The following UQCR10 variants were observed in gnomAD, a reference collection of about 807,000 sequenced individuals.
The protein encoded by UQCR10 is cytochrome b-c1 complex subunit 9.
A neutral mutation model predicts 6.0 loss-of-function variants in UQCR10; 5 were observed. The observed-to-expected ratio is 0.83, with a 90% CI of 0.43 to 1.74. The LOEUF (loss-of-function observed/expected upper bound fraction) is 1.74. UQCR10 is among the 40% of genes most tolerant of loss of function. The pLI is 0.02. For missense variants in UQCR10, 101 were observed against 85.1 expected (o/e 1.19, Z -0.74); for synonymous variants, 40 against 37.4 (o/e 1.07, Z -0.26).
Position 29,767,377 on chromosome 22 carries a change from G to A in UQCR10, c.-22G>A. 2.8e-6 allele frequency: 4 copies of A among 1,422,410 alleles called. No individual in the cohort carries two copies. Among genetic ancestry groups the A allele is most frequent in the Non-Finnish European group, 2.9e-6 (3 of 1,018,940 alleles). The allele number at this position is 1,422,410 out of a possible 1,614,324, so 88.1% of individuals were successfully genotyped here. On this transcript the variant is annotated 5_prime_UTR_variant, in exon 1 of 2. Transcript: ENST00000330029. ...TCGGCCCCAGCGCAGGCGCGGTGGC[G>A]CGAGTTGGACTGTGAAGAAACATGG...
At chr22:29,767,688 C>G in intron 1 of UQCR10, 140 bp downstream of exon 1, 2 of 1,285,670 alleles carry the variant, frequency 1.6e-6, no homozygotes, top group South Asian at 1.6e-5. Context: ...AGTCCGCCGT[C>G]TGTCCCCTTG....
At position 29,768,306 on chromosome 22, in the gene UQCR10, C is replaced by G. The variant is rs569761080; in HGVS notation, c.150+758C>G. 2.0e-5 allele frequency among the ~76,000 whole-genome samples: 3 copies of G among 152,282 alleles called. No homozygotes were observed. The South Asian group carries it at 6.2e-4, about 32-fold the overall frequency. On this transcript the variant is annotated intron_variant, in intron 1 of 1. Coordinates refer to ENST00000330029, the MANE Select transcript of UQCR10 (RefSeq NM_013387.4). ...GGTAGGAATCGCAACACATTTTTGA[C>G]TTTTATGTATCATGCACTGTGCTAG...
rs558714432 is a variant in UQCR10, at chr22:29,767,506, C to T, written c.108C>T (p.Phe36=). The T allele has an allele frequency of 3.1e-6, 5 of 1,613,954 alleles. No individual in the cohort carries two copies. The highest frequency in any genetic ancestry group is 1.1e-5 in the South Asian group (1 of 91,080). The stretch of plus-strand genomic sequence containing the variant: ...GCGTCATGTTCTTCGAGCGCGCCTT[C>T]GATCAAGGCGCGGACGCTATCTACG... The part of the protein sequence containing the change: ...IVGVMFFERA[F]DQGADAIYDH... Residue 36 remains phenylalanine (F), a synonymous_variant, in exon 1 of 2, where the codon TTC becomes TTT. Transcript: ENST00000330029.
intron 1 of UQCR10, among the ~76,000 whole-genome samples, chr22:29,769,368 A>C (rs1385916721): frequency 6.6e-6 from 1 of 152,108 alleles, no homozygotes; most frequent in Non-Finnish European, 1.5e-5. Context: ...CGGGTAGCGC[A>C]TACCTGTATT....
intron 1 of UQCR10, among the ~76,000 whole-genome samples, chr22:29,768,704 G>C (rs953569569): frequency 6.6e-6 from 1 of 151,712 alleles, no homozygotes; most frequent in African/African-American, 2.4e-5. Context: ...ACAGCTCACT[G>C]CAGCCTTGAC....
intron 1 of UQCR10, among the ~76,000 whole-genome samples, chr22:29,768,581 C>T (rs2068241346): frequency 6.6e-6 from 1 of 152,228 alleles, no homozygotes; most frequent in Non-Finnish European, 1.5e-5. Flanking sequence ...GGAGAGACAT[C>T]CAAGTATGTT....
At chr22:29,768,367 G>A (rs2068239092) in intron 1 of UQCR10, among the ~76,000 whole-genome samples, 1 of 152,174 alleles carries the variant, frequency 6.6e-6, no homozygotes, top group Non-Finnish European at 1.5e-5. Flanking sequence ...AATTATGACT[G>A]TGCTGGAGTA....
In UQCR10 at chr22:29,769,366, G is replaced by A. The variant is rs145470801; in HGVS notation, c.151-312G>A. On this transcript the variant is annotated intron_variant, in intron 1 of 1. Coordinates refer to ENST00000330029, the MANE Select transcript of UQCR10 (RefSeq NM_013387.4). ...AAAATACAAAAATTAGCCGGGTAGC[G>A]CATACCTGTATTCCCAGCTGCTCTT... 9.2e-4 allele frequency among the ~76,000 whole-genome samples: 140 copies of A among 152,192 alleles called. 1 individual carries two copies. The East Asian group carries it at 0.023, about 25-fold the overall frequency.
chr22:29,768,655 C>A (rs1028197933), intron 1 of UQCR10, among the ~76,000 whole-genome samples: 1 of 150,946 alleles, frequency 6.6e-6, no homozygotes, highest in African/African-American at 2.5e-5. Context: ...GAGACAGGAT[C>A]TCACTCTGTC....
Position 29,768,228 on chromosome 22 carries a change from A to T in UQCR10, c.150+680A>T, listed in dbSNP as rs185333042. On this transcript the variant is annotated intron_variant, in intron 1 of 1. Transcript: ENST00000330029. ...GGGTGCCACATGCCTGGTAGGTGGT[A>T]CCACTGAAAAATAATCATTGCTTAC... is the stretch of plus-strand genomic sequence containing the variant. Among the ~76,000 whole-genome samples, 11 of 152,324 alleles carry T rather than the reference A, an allele frequency of 7.2e-5. No individual in the cohort carries two copies. The East Asian group carries it at 1.9e-3, about 27-fold the overall frequency.
chr22:29,769,546 C>A, intron 1 of UQCR10, 132 bp from the exon 2 acceptor site: 2 of 1,025,612 alleles, frequency 2.0e-6, no homozygotes, highest in Non-Finnish European at 2.8e-6. Flanking sequence ...TTGCCCACCA[C>A]AAGTGTATCT....
At chr22:29,767,691 T>A in intron 1 of UQCR10, 143 bp downstream of exon 1, 2 of 1,255,646 alleles carry the variant, frequency 1.6e-6, no homozygotes, top group Non-Finnish European at 2.2e-6. Context: ...CCGCCGTCTG[T>A]CCCCTTGGCT....
In UQCR10 at chr22:29,770,076, C is replaced by T. The variant is rs568229126; in HGVS notation, c.*357C>T. ...CTATTTTGAGTTTTCCATTAACTTCCAAAGAATTCTGGTTTTCAAAACAGG... is the reference window on the plus strand; with the variant it reads ...CTATTTTGAGTTTTCCATTAACTTCTAAAGAATTCTGGTTTTCAAAACAGG... On this transcript the variant is annotated 3_prime_UTR_variant, in exon 2 of 2. Transcript: ENST00000330029. The T allele has an allele frequency of 2.4e-4, 97 of 398,576 alleles. No individual in the cohort carries two copies. Among genetic ancestry groups the T allele is most frequent in the South Asian group, 1.8e-3 (91 of 49,434 alleles). 24.7% of individuals were successfully genotyped at this position (398,576 alleles called of 1,614,324 possible). A position where few individuals can be genotyped will look rare whatever the true frequency, so the allele number is the denominator to read the frequency against.
chr22:29,767,432 TC>T lies in UQCR10; in HGVS notation c.37del (p.Leu13CysfsTer121). ...CGCGACGTTGACTTCGAAATTGTAC[TC>T]CCTGCTGTTCCGCAGGACCTCCACC... ...AAATLTSKLY[S>X]LLFRRTSTFA... On this transcript the variant is annotated frameshift_variant, in exon 1 of 2. Coordinates refer to ENST00000330029, the MANE Select transcript of UQCR10 (RefSeq NM_013387.4). LOFTEE classifies it high-confidence loss of function. 1 of 1,613,734 alleles carries T rather than the reference TC, an allele frequency of 6.2e-7. No homozygotes were observed. Among genetic ancestry groups the T allele is most frequent in the Non-Finnish European group, 8.5e-7 (1 of 1,179,690 alleles).
chr22:29,767,463 C>T lies in UQCR10; in HGVS notation c.65C>T (p.Ala22Val), dbSNP rs753668573. Reference protein sequence around the residue: ...SLLFRRTSTFALTIIVGVMFF... With the variant: ...SLLFRRTSTFVLTIIVGVMFF... ...CTGTTCCGCAGGACCTCCACCTTCG[C>T]CCTCACCATCATCGTGGGCGTCATG... Residue 22 changes from alanine (A) to valine (V), a missense_variant, in exon 1 of 2, where the codon GCC becomes GTC. Physicochemically the swap from Ala to Val is moderately conservative, Grantham distance 64. Transcript: ENST00000330029. 22 of 1,613,916 alleles carry T rather than the reference C, an allele frequency of 1.4e-5. No individual in the cohort carries two copies. The highest frequency in any genetic ancestry group is 1.6e-4 in the Middle Eastern group (1 of 6,084).
intron 1 of UQCR10, chr22:29,767,754 G>GCCACCCTACATACCCAC: frequency 8.4e-6 from 7 of 837,716 alleles, no homozygotes; most frequent in Non-Finnish European, 1.2e-5. Flanking sequence ...TTTTGCAGGG[G>GCCACCCTACATACCCAC]TTGTAAGTAT....
In UQCR10 at chr22:29,767,524, T is replaced by C. The variant is rs753817655; in HGVS notation, c.126T>C (p.Ala42=). ...GCGCCTTCGATCAAGGCGCGGACGC[T>C]ATCTACGACCACATCAACGAGGGGG... ...FERAFDQGAD[A]IYDHINEGKL... Residue 42 remains alanine, a synonymous_variant, in exon 1 of 2, where the codon GCT becomes GCC. Coordinates refer to ENST00000330029, the MANE Select transcript of UQCR10 (RefSeq NM_013387.4). 2 of 1,613,986 alleles carry C rather than the reference T, an allele frequency of 1.2e-6. No homozygotes were observed. The highest frequency in any genetic ancestry group is 1.7e-6 in the Non-Finnish European group (2 of 1,179,866).
In UQCR10 at chr22:29,767,507, G is replaced by A. The variant is rs374152934; in HGVS notation, c.109G>A (p.Asp37Asn). 1.1e-5 allele frequency: 17 copies of A among 1,613,964 alleles called. No individual in the cohort carries two copies. The highest frequency in any genetic ancestry group is 1.4e-5 in the Non-Finnish European group (16 of 1,179,876). The part of the protein sequence containing the change: ...VGVMFFERAF[D>N]QGADAIYDHI... ...CGTCATGTTCTTCGAGCGCGCCTTC[G>A]ATCAAGGCGCGGACGCTATCTACGA... The change falls in exon 1 of 2, where the codon GAT (aspartate) becomes AAT (asparagine). Residue 37 changes from aspartate (D) to asparagine (N), a missense_variant. Transcript: ENST00000330029.
chr22:29,768,124 T>C (rs1376966194), intron 1 of UQCR10, among the ~76,000 whole-genome samples: 1 of 152,202 alleles, frequency 6.6e-6, no homozygotes, highest in Non-Finnish European at 1.5e-5. Flanking sequence ...GTTTCTTCTC[T>C]GAACTCCGTT....
Sources: allele counts gnomAD v4.1 joint callset (sites outside exome capture counted in the v4.1 genomes callset), GRCh38; gene constraint gnomAD v4.1.1; transcripts MANE v1.5; gene names NCBI Gene and HGNC (gene_info 2026-07-23, HGNC 2026-07-21).